The following ATXN1 variants were observed in gnomAD, a reference collection of about 807,000 sequenced individuals.
ATXN1 encodes the protein ataxin-1.
In ATXN1, 8 loss-of-function variants were observed where a neutral mutation model predicts 56.4. The observed-to-expected ratio is 0.14, with a 90% CI of 0.08 to 0.26. ATXN1 has a LOEUF of 0.26. ATXN1 is among the 10% of genes least tolerant of loss of function. The probability of loss-of-function intolerance (pLI) is 1.00; values close to 1 mark genes in which losing one functional copy is unlikely to be tolerated. For synonymous variants in ATXN1, 514 were observed against 494.6 expected (o/e 1.04, Z -0.52); for missense variants, 987 against 1,106.5 (o/e 0.89, Z 1.53).
chr6:16,760,016 ACACT>A lies in ATXN1; in HGVS notation c.-730+1278_-730+1281del, dbSNP rs150442087. The stretch of plus-strand genomic sequence containing the variant: ...CAAATACACACACACAGTCACTCAC[ACACT>A]CACTCACACTCACGCCGCGCTCCGA... On this transcript the variant is annotated intron_variant, in intron 1 of 7. Transcript: ENST00000436367. This position sits in a 1 kb window ranked among gnomAD's most constrained non-coding sequence, Gnocchi z 5.3. 1.5e-4 allele frequency among the ~76,000 whole-genome samples: 23 copies of A among 151,714 alleles called. No homozygotes were observed. Among genetic ancestry groups the A allele is most frequent in the Middle Eastern group, 3.4e-3 (1 of 292 alleles).
At chr6:16,723,465 A>G (rs933028985) in intron 2 of ATXN1, among the ~76,000 whole-genome samples, 2 of 152,228 alleles carry the variant, frequency 1.3e-5, no homozygotes, top group Non-Finnish European at 2.9e-5. Context: ...AAGGAGGAGG[A>G]AGAGACAAAA....
At chr6:16,584,387 C>A (rs1045502556) in intron 4 of ATXN1, among the ~76,000 whole-genome samples, 1 of 151,126 alleles carries the variant, frequency 6.6e-6, no homozygotes, top group Non-Finnish European at 1.5e-5. Context: ...TTATTAAATA[C>A]CTTTTTGCTC....
At chr6:16,586,954 T>G (rs575810583) in intron 3 of ATXN1, among the ~76,000 whole-genome samples, 1 of 151,926 alleles carries the variant, frequency 6.6e-6, no homozygotes, top group South Asian at 2.1e-4. Context: ...GAAGGCAGAG[T>G]TTGCAGTGAG....
At chr6:16,453,142 T>G (rs1427000759) in intron 6 of ATXN1, among the ~76,000 whole-genome samples, 3 of 151,808 alleles carry the variant, frequency 2.0e-5, no homozygotes, top group Non-Finnish European at 4.4e-5. Flanking sequence ...GTTTCACTTG[T>G]GTAATCTTAC....
At chr6:16,417,487 G>A (rs1318659407) in intron 6 of ATXN1, among the ~76,000 whole-genome samples, 1 of 144,250 alleles carries the variant, frequency 6.9e-6, no homozygotes, top group Admixed American at 6.7e-5. Context: ...CACCCAGGCT[G>A]GAGAGCAGTG....
chr6:16,417,251 T>C (rs1164178414), intron 6 of ATXN1, among the ~76,000 whole-genome samples: 1 of 152,066 alleles, frequency 6.6e-6, no homozygotes, highest in Admixed American at 6.6e-5. Context: ...CCCAGGCTGG[T>C]CTTTAACTTC....
At chr6:16,752,714 C>T (rs1170564214) in intron 2 of ATXN1, among the ~76,000 whole-genome samples, 1 of 152,150 alleles carries the variant, frequency 6.6e-6, no homozygotes, top group Non-Finnish European at 1.5e-5. Flanking sequence ...CACCCTATGT[C>T]TGCATGACTC....
chr6:16,731,454 C>CTTTTTTTTTTTTTTTT (rs71559655), intron 2 of ATXN1, among the ~76,000 whole-genome samples: 24 of 81,742 alleles, frequency 2.9e-4, no homozygotes, highest in Non-Finnish European at 5.0e-4. Flanking sequence ...TTTTTCTTTT[C>CTTTTTTTTTTTTTTTT]TTTTTTTTTT....
rs1253417814 is a variant in ATXN1 at position 16,599,689 on chromosome 6, G to T, written c.-488-13782C>A. ...TCGCGCCACTGCACTCCAGCCTGGT[G>T]ACAGAGTGAAACTCCGTCTCAAAAA... On this transcript the variant is annotated intron_variant, in intron 3 of 7. Coordinates refer to ENST00000436367, the MANE Select transcript of ATXN1 (RefSeq NM_001128164.2). Among the ~76,000 whole-genome samples, 6 of 146,422 alleles carry T rather than the reference G, an allele frequency of 4.1e-5. No individual in the cohort carries two copies. The South Asian group carries it at 6.5e-4, about 16-fold the overall frequency.
At chr6:16,651,525 CAGAG>C (rs1362503958) in intron 3 of ATXN1, among the ~76,000 whole-genome samples, 3 of 131,014 alleles carry the variant, frequency 2.3e-5, no homozygotes, top group African/African-American at 9.4e-5. Context: ...GCGTGGGTGA[CAGAG>C]AGAGACTCTG....
intron 3 of ATXN1, among the ~76,000 whole-genome samples, chr6:16,652,481 C>G (rs1758086276): frequency 1.3e-5 from 2 of 152,198 alleles, no homozygotes; most frequent in African/African-American, 4.8e-5. Context: ...AAATAGTTTA[C>G]ATGGACCACT....
intron 7 of ATXN1, among the ~76,000 whole-genome samples, chr6:16,323,054 C>A (rs542699725): frequency 2.0e-5 from 3 of 152,196 alleles, no homozygotes; most frequent in Admixed American, 6.5e-5. Context: ...TCTACCTGCT[C>A]GTCTGCACCC....
intron 4 of ATXN1, among the ~76,000 whole-genome samples, chr6:16,574,275 G>A (rs866172464): frequency 2.6e-5 from 4 of 151,864 alleles, no homozygotes; most frequent in South Asian, 2.1e-4. Flanking sequence ...GCGCGATCTC[G>A]GCTCACTGCA....
At chr6:16,636,474 GT>G (rs1268837362) in intron 3 of ATXN1, among the ~76,000 whole-genome samples, 1 of 152,316 alleles carries the variant, frequency 6.6e-6, no homozygotes, top group African/African-American at 2.4e-5. Flanking sequence ...AGGCCCTCAT[GT>G]CTTGAGTAGG....
intron 6 of ATXN1, among the ~76,000 whole-genome samples, chr6:16,363,616 G>A (rs990413448): frequency 1.2e-4 from 19 of 152,206 alleles, no homozygotes; most frequent in African/African-American, 4.1e-4. Flanking sequence ...TTCCCTCTGG[G>A]ATTTATAAAG....
intron 5 of ATXN1, among the ~76,000 whole-genome samples, chr6:16,514,194 C>G (rs900610212): frequency 6.6e-6 from 1 of 152,192 alleles, no homozygotes; most frequent in Non-Finnish European, 1.5e-5. Context: ...AAACAGCTTT[C>G]TTCCTCCTTT....
chr6:16,461,449 T>G (rs1025741283), intron 6 of ATXN1, among the ~76,000 whole-genome samples: 10 of 152,176 alleles, frequency 6.6e-5, no homozygotes, highest in African/African-American at 2.4e-4. Flanking sequence ...TCAAAGCCTG[T>G]GAGGTGTGCC....
chr6:16,330,287 A>G (rs1760950704), intron 6 of ATXN1, among the ~76,000 whole-genome samples: 1 of 152,122 alleles, frequency 6.6e-6, no homozygotes, highest in African/African-American at 2.4e-5. Flanking sequence ...ATGTTGGAGC[A>G]ACACTGAAAT....
rs1478073428 is a variant in ATXN1 at position 16,761,410 on chromosome 6, T to TC, written c.-843dup. On this transcript the variant is annotated 5_prime_UTR_variant, in exon 1 of 8. Coordinates refer to ENST00000436367, the MANE Select transcript of ATXN1 (RefSeq NM_001128164.2). Reference sequence around the variant, plus strand: ...GCTGCTCCACGGGGCTTGTTTTGGATCCCCCTGCAGTGAAACAGGTCCTGT... The same window carrying TC: ...GCTGCTCCACGGGGCTTGTTTTGGATCCCCCCTGCAGTGAAACAGGTCCTGT... The TC allele has an allele frequency of 4.4e-6, 2 of 456,194 alleles. No individual in the cohort carries two copies. Among genetic ancestry groups the TC allele is most frequent in the African/African-American group, 4.0e-5 (2 of 49,850 alleles). The allele number at this position is 456,194 out of a possible 1,614,324, so 28.3% of individuals were successfully genotyped here.
Sources: gnomAD v4.1 joint callset for allele counts (sites outside exome capture counted in the v4.1 genomes callset) on GRCh38, gnomAD v4.1.1 for gene constraint, Gnocchi (gnomAD v3.1) non-coding constraint, MANE v1.5 for transcripts, NCBI Gene and HGNC (gene_info 2026-07-23, HGNC 2026-07-21) for gene names.